The following CADM2 variants were observed in gnomAD, a reference collection of about 807,000 sequenced individuals.
The protein encoded by CADM2 is cell adhesion molecule 2, also known as immunoglobulin superfamily member 4D.
In CADM2, 12 loss-of-function variants were observed where a neutral mutation model predicts 49.8. The observed-to-expected ratio is 0.24, with a 90% CI of 0.15 to 0.39. CADM2 has a LOEUF of 0.39. Among genes scored for constraint, CADM2 ranks in the 10% least tolerant of loss-of-function variants. The probability of loss-of-function intolerance (pLI) is 1.00; values close to 1 mark genes in which losing one functional copy is unlikely to be tolerated. For missense variants in CADM2, 378 were observed against 492.3 expected, an observed-to-expected ratio of 0.77 and a Z score of 2.20; for synonymous variants, 214 against 175.4, an observed-to-expected ratio of 1.22 and a Z score of -1.74.
At chr3:85,499,336 G>T (rs1306863942) in intron 1 of CADM2, among the ~76,000 whole-genome samples, 1 of 151,986 alleles carries the variant, frequency 6.6e-6, no homozygotes, top group African/African-American at 2.4e-5. Context: ...TTGTAGTAAA[G>T]AGGTCAGGTA....
intron 1 of CADM2, among the ~76,000 whole-genome samples, chr3:85,139,990 C>T (rs997754530): frequency 5.3e-5 from 8 of 151,970 alleles, no homozygotes; most frequent in South Asian, 2.1e-4. Flanking sequence ...ACAGATAACA[C>T]GTTCAGTTTC....
intron 1 of CADM2, among the ~76,000 whole-genome samples, chr3:85,033,022 G>T (rs757926258): frequency 3.9e-5 from 6 of 151,912 alleles, no homozygotes; most frequent in Non-Finnish European, 7.4e-5. Context: ...GGAAAAGAGA[G>T]AATAAGGAAA....
chr3:85,873,831 T>C (rs1039919727), intron 3 of CADM2, among the ~76,000 whole-genome samples: 2 of 152,152 alleles, frequency 1.3e-5, no homozygotes, highest in Non-Finnish European at 2.9e-5. Flanking sequence ...AGTAATTTGC[T>C]AATTTTTTAA....
At chr3:85,595,261 G>T (rs2063211555) in intron 1 of CADM2, among the ~76,000 whole-genome samples, 2 of 151,836 alleles carry the variant, frequency 1.3e-5, no homozygotes, top group Admixed American at 6.6e-5. Flanking sequence ...GTGCCCTAAG[G>T]TTCACCTTTA....
intron 2 of CADM2, among the ~76,000 whole-genome samples, chr3:85,745,118 G>C (rs554328214): frequency 1.6e-4 from 25 of 152,186 alleles, no homozygotes; most frequent in Non-Finnish European, 2.9e-4. Context: ...AAGAGTCAAG[G>C]GTGTCTCTAA....
At chr3:85,590,827 T>A (rs1180969800) in intron 1 of CADM2, among the ~76,000 whole-genome samples, 5 of 151,962 alleles carry the variant, frequency 3.3e-5, no homozygotes, top group Admixed American at 6.6e-5. Flanking sequence ...AATAGAAATA[T>A]CTTCACACTA....
chr3:85,256,609 C>A (rs973859188), intron 1 of CADM2, among the ~76,000 whole-genome samples: 26 of 152,076 alleles, frequency 1.7e-4, no homozygotes, highest in African/African-American at 6.3e-4. Context: ...TAATTATTAT[C>A]TTCACTCTTT....
At chr3:85,757,841 C>A (rs569050928) in intron 2 of CADM2, among the ~76,000 whole-genome samples, 3 of 152,126 alleles carry the variant, frequency 2.0e-5, no homozygotes, top group Non-Finnish European at 4.4e-5. Flanking sequence ...TAATGATTGA[C>A]ATTCAAATGT....
At chr3:85,250,642 G>T (rs2107859533) in intron 1 of CADM2, among the ~76,000 whole-genome samples, 1 of 151,666 alleles carries the variant, frequency 6.6e-6, no homozygotes, top group East Asian at 1.9e-4. Flanking sequence ...TTTAATACAT[G>T]CTACTAGTTA....
intron 1 of CADM2, among the ~76,000 whole-genome samples, chr3:85,076,386 C>G (rs2036945243): frequency 6.6e-6 from 1 of 151,246 alleles, no homozygotes; most frequent in African/African-American, 2.4e-5. Context: ...CTCTGTCACC[C>G]AGGCTGGAGT....
chr3:85,011,156 G>T (rs952842814), intron 1 of CADM2, among the ~76,000 whole-genome samples: 1 of 151,606 alleles, frequency 6.6e-6, no homozygotes, highest in Non-Finnish European at 1.5e-5. Flanking sequence ...GAGCCACCGC[G>T]CCCAGGCTGT....
chr3:85,446,032 TAG>T (rs2037434902), intron 1 of CADM2, among the ~76,000 whole-genome samples: 1 of 152,158 alleles, frequency 6.6e-6, no homozygotes, highest in African/African-American at 2.4e-5. Context: ...GTATGTACAC[TAG>T]ATAGTCATTA....
intron 1 of CADM2, among the ~76,000 whole-genome samples, chr3:85,649,584 GTAGTT>G (rs1320839291): frequency 1.1e-4 from 16 of 152,278 alleles, no homozygotes; most frequent in African/African-American, 3.8e-4. Context: ...AATCAGAAAT[GTAGTT>G]AAGTTACCTT....
intron 3 of CADM2, among the ~76,000 whole-genome samples, chr3:85,814,864 A>G (rs1452028175): frequency 6.6e-6 from 1 of 151,982 alleles, no homozygotes; most frequent in Admixed American, 6.6e-5. Context: ...CTTCTATTCT[A>G]TAGTATTCTA....
chr3:85,889,539 A>G (rs887519624), intron 5 of CADM2, among the ~76,000 whole-genome samples: 1 of 152,222 alleles, frequency 6.6e-6, no homozygotes, highest in African/African-American at 2.4e-5. Context: ...GAAGAGTATC[A>G]GTAAACTATA....
At chr3:85,037,404 G>C (rs2035265302) in intron 1 of CADM2, among the ~76,000 whole-genome samples, 1 of 152,176 alleles carries the variant, frequency 6.6e-6, no homozygotes, top group Non-Finnish European at 1.5e-5. Context: ...ATGTGTGGTT[G>C]CCCAAAGTTC....
At chr3:85,430,891 G>A (rs1474941460) in intron 1 of CADM2, among the ~76,000 whole-genome samples, 1 of 152,070 alleles carries the variant, frequency 6.6e-6, no homozygotes, top group East Asian at 1.9e-4. Context: ...AGGAGCAGAA[G>A]GTACTAACTA....
chr3:85,053,261 C>T (rs889980645), intron 1 of CADM2, among the ~76,000 whole-genome samples: 1 of 151,980 alleles, frequency 6.6e-6, no homozygotes, highest in Non-Finnish European at 1.5e-5. Context: ...GTAATGGGAA[C>T]TTTGGATGAA....
intron 1 of CADM2, among the ~76,000 whole-genome samples, chr3:85,027,995 T>C (rs2034811376): frequency 6.6e-6 from 1 of 152,158 alleles, no homozygotes; most frequent in African/African-American, 2.4e-5. Flanking sequence ...CAAATCATTT[T>C]GCTATTACAC....
Sources: allele counts gnomAD v4.1 joint callset (sites outside exome capture counted in the v4.1 genomes callset), GRCh38; gene constraint gnomAD v4.1.1; transcripts MANE v1.5; gene names NCBI Gene and HGNC (gene_info 2026-07-23, HGNC 2026-07-21).